PLEKHA5: variants seen among roughly 807,000 people sequenced by gnomAD.
PLEKHA5 encodes the protein pleckstrin homology domain-containing family A member 5.
PLEKHA5 carries 55 observed loss-of-function variants against 181.9 expected under a neutral mutation model. That is an observed-to-expected ratio of 0.30 (90% CI 0.24 to 0.38). The LOEUF is 0.38. PLEKHA5 is among the 10% of genes least tolerant of loss of function. The pLI is 1.00. For missense variants in PLEKHA5, 1,432 were observed against 1,549.5 expected (o/e 0.92, Z 1.27); for synonymous variants, 535 against 529.4 (o/e 1.01, Z -0.15).
At position 19,263,172 on chromosome 12, in the gene PLEKHA5, A is replaced by AT. The variant is rs1274422168; in HGVS notation, c.610+2152dup. ...TTTCAGTGAGATCATAATAGCCTAT[A>AT]TATTTTTTTTTGCATATTTAGTATT... is the stretch of plus-strand genomic sequence containing the variant. On this transcript the variant is annotated intron_variant, in intron 7 of 31. Transcript: ENST00000429027. Among the ~76,000 whole-genome samples, 9 of 146,846 alleles carry AT rather than the reference A, an allele frequency of 6.1e-5. No homozygotes were observed. The East Asian group carries it at 1.4e-3, about 23-fold the overall frequency.
At chr12:19,299,077 GC>G (rs2080749400) in intron 15 of PLEKHA5, among the ~76,000 whole-genome samples, 1 of 152,206 alleles carries the variant, frequency 6.6e-6, no homozygotes, top group Admixed American at 6.5e-5. Context: ...TTGGCATCCT[GC>G]CTGCCTCTCC....
intron 3 of PLEKHA5, among the ~76,000 whole-genome samples, chr12:19,242,272 T>C (rs138266656): frequency 0.012 from 1,867 of 151,764 alleles, 26 homozygotes; most frequent in African/African-American, 0.043. Context: ...AGAGTCTCAC[T>C]CTGTCATCCA....
intron 3 of PLEKHA5, among the ~76,000 whole-genome samples, chr12:19,196,829 A>G (rs1240429864): frequency 1.1e-5 from 1 of 93,040 alleles, no homozygotes; most frequent in East Asian, 3.0e-4. Context: ...TTTTTTTTTT[A>G]GAGAAATAGT....
intron 3 of PLEKHA5, among the ~76,000 whole-genome samples, chr12:19,183,213 T>TA (rs1419211689): frequency 1.3e-5 from 2 of 152,200 alleles, no homozygotes; most frequent in Non-Finnish European, 2.9e-5. Flanking sequence ...TTTACATAGA[T>TA]AGATAGATGA....
intron 31 of PLEKHA5, among the ~76,000 whole-genome samples, chr12:19,374,169 C>T (rs943929463): frequency 6.6e-6 from 1 of 151,702 alleles, no homozygotes; most frequent in Non-Finnish European, 1.5e-5. Flanking sequence ...ATAATTATTA[C>T]GTATTTTAGT....
intron 3 of PLEKHA5, among the ~76,000 whole-genome samples, chr12:19,188,436 T>C (rs2050340803): frequency 6.6e-6 from 1 of 152,240 alleles, no homozygotes; most frequent in African/African-American, 2.4e-5. Flanking sequence ...ACTTCTAGTG[T>C]AATGAATGTA....
At chr12:19,155,220 T>TA (rs1405733763) in intron 3 of PLEKHA5, among the ~76,000 whole-genome samples, 1 of 152,158 alleles carries the variant, frequency 6.6e-6, no homozygotes, top group Non-Finnish European at 1.5e-5. Flanking sequence ...GTAAAATAAA[T>TA]ATGTTTTTAT....
At chr12:19,139,107 A>AG (rs2036548886) in intron 3 of PLEKHA5, among the ~76,000 whole-genome samples, 1 of 151,832 alleles carries the variant, frequency 6.6e-6, no homozygotes, top group South Asian at 2.1e-4. Context: ...ATGGAAAGGA[A>AG]AGGCCATTGA....
intron 15 of PLEKHA5, among the ~76,000 whole-genome samples, chr12:19,303,010 T>G (rs1007802827): frequency 2.8e-5 from 4 of 142,936 alleles, no homozygotes; most frequent in Non-Finnish European, 6.0e-5. Context: ...CAACCTCCAT[T>G]TCCCGGGTTC....
chr12:19,241,226 G>A (rs10770454), intron 3 of PLEKHA5, among the ~76,000 whole-genome samples: 83,324 of 152,104 alleles, frequency 0.55, 26,802 homozygotes, highest in Non-Finnish European at 0.74. Context: ...CAGCTAATAT[G>A]CCTTGATGTG....
Position 19,358,290 on chromosome 12 carries a change from T to A in PLEKHA5, c.3201T>A (p.Thr1067=), listed in dbSNP as rs1565660337. 1 of 1,614,000 alleles carries A rather than the reference T, an allele frequency of 6.2e-7. No homozygotes were observed. ...CLAESTRPRM[T]VEEQMERIRR... ...CTGAAAGTACTCGACCAAGGATGAC[T>A]GTGGAAGAGCAAATGGAAAGAATAA... The change falls in exon 27 of 32, where the codon ACT becomes ACA. Residue 1067 remains threonine (T), a synonymous_variant. Coordinates refer to ENST00000429027, the MANE Select transcript of PLEKHA5 (RefSeq NM_001256470.2).
chr12:19,162,333 A>G (rs1473989112), intron 3 of PLEKHA5, among the ~76,000 whole-genome samples: 3 of 152,200 alleles, frequency 2.0e-5, no homozygotes, highest in Non-Finnish European at 4.4e-5. Context: ...TGTAATAAGT[A>G]TTAAATTATT....
chr12:19,132,269 C>T (rs2034146134), intron 2 of PLEKHA5, 124 bp from the exon 3 acceptor site: 1 of 636,152 alleles, frequency 1.6e-6, no homozygotes. Context: ...CAGCTCAACA[C>T]TTTTTTTGTT....
intron 3 of PLEKHA5, among the ~76,000 whole-genome samples, chr12:19,161,182 G>A (rs1307381452): frequency 2.6e-5 from 4 of 151,930 alleles, no homozygotes; most frequent in Non-Finnish European, 5.9e-5. Context: ...TGAAGAAAGG[G>A]AGTAGGAAAA....
At chr12:19,359,969 CA>C (rs565963117) in intron 28 of PLEKHA5, among the ~76,000 whole-genome samples, 56 of 133,396 alleles carry the variant, frequency 4.2e-4, no homozygotes, top group Admixed American at 4.6e-4. Flanking sequence ...GACTCCATCT[CA>C]AAAAAAAAAA....
intron 3 of PLEKHA5, among the ~76,000 whole-genome samples, chr12:19,166,120 A>T (rs1056698769): frequency 4.6e-5 from 7 of 152,146 alleles, no homozygotes; most frequent in African/African-American, 1.4e-4. Context: ...CTTCAGTAAC[A>T]TTATGCTGCC....
chr12:19,232,131 A>G (rs1430668367), intron 3 of PLEKHA5, among the ~76,000 whole-genome samples: 1 of 152,152 alleles, frequency 6.6e-6, no homozygotes, highest in African/African-American at 2.4e-5. Flanking sequence ...GTATGAATGA[A>G]CTTATTAGAT....
At chr12:19,200,507 C>T in intron 3 of PLEKHA5, 1 of 1,363,756 alleles carries the variant, frequency 7.3e-7, no homozygotes, top group Non-Finnish European at 9.5e-7. Context: ...ACAAATGTTC[C>T]AAATCTTTGA....
At position 19,348,497 on chromosome 12, in the gene PLEKHA5, G is replaced by T; in HGVS notation, c.2997G>T (p.Glu999Asp). The part of the protein sequence containing the change: ...NGEEKSEPVS[E>D]IETSVVKGSH... ...AAGAAAAATCAGAACCTGTTTCAGA[G>T]ATAGAAACTTCAGTTGTTAAAGGTC... Residue 999 changes from glutamate to aspartate, a missense_variant, in exon 25 of 32, where the codon GAG becomes GAT. Glu to Asp is a conservative substitution (Grantham distance 45). This residue lies in a region of PLEKHA5 where 1,143 missense variants were observed against 1,168.4 expected (regional missense o/e 0.98). Transcript: ENST00000429027. The T allele has an allele frequency of 6.3e-7, 1 of 1,575,256 alleles. No individual in the cohort carries two copies. Among genetic ancestry groups the T allele is most frequent in the Non-Finnish European group, 8.6e-7 (1 of 1,168,212 alleles).
Sources: gnomAD v4.1 joint callset for allele counts (sites outside exome capture counted in the v4.1 genomes callset) on GRCh38, gnomAD v4.1.1 for gene constraint, gnomAD v4.1.1 regional missense constraint, MANE v1.5 for transcripts, NCBI Gene and HGNC (gene_info 2026-07-23, HGNC 2026-07-21) for gene names.